The following DGCR2 variants were observed in gnomAD, a reference collection of about 807,000 sequenced individuals.
DGCR2 encodes the protein DiGeorge syndrome critical region gene 2, also known as integral membrane protein DGCR2/IDD.
DGCR2 carries 24 observed loss-of-function variants against 51.6 expected under a neutral mutation model. The observed-to-expected ratio is 0.47, with a 90% CI of 0.34 to 0.65. The LOEUF is 0.65. Among genes scored for constraint, DGCR2 ranks in the 30% least tolerant of loss-of-function variants. The probability of loss-of-function intolerance (pLI) is 0.01; values close to 1 mark genes in which losing one functional copy is unlikely to be tolerated. For synonymous variants in DGCR2, 340 were observed against 315.4 expected, an observed-to-expected ratio of 1.08 and a Z score of -0.82; for missense variants, 765 against 772.1, an observed-to-expected ratio of 0.99 and a Z score of 0.11.
intron 2 of DGCR2, among the ~76,000 whole-genome samples, chr22:19,087,002 T>A (rs2083024326): frequency 6.6e-6 from 1 of 152,136 alleles, no homozygotes. Context: ...GAACAACAAA[T>A]AAACTCTGCT....
At chr22:19,064,712 C>A in intron 4 of DGCR2, 136 bp downstream of exon 4, 1 of 779,874 alleles carries the variant, frequency 1.3e-6, no homozygotes, top group East Asian at 2.6e-5. Flanking sequence ...CCTGGGCTTC[C>A]AGTGGGCGAG....
chr22:19,100,185 G>A (rs747624851), intron 1 of DGCR2, among the ~76,000 whole-genome samples: 4 of 150,086 alleles, frequency 2.7e-5, no homozygotes, highest in Non-Finnish European at 5.9e-5. Flanking sequence ...CACAAGAATC[G>A]CTTGAACCGG....
intron 2 of DGCR2, among the ~76,000 whole-genome samples, chr22:19,075,505 C>T (rs983770925): frequency 2.0e-5 from 3 of 152,050 alleles, no homozygotes; most frequent in African/African-American, 7.2e-5. Context: ...ACATTAGTTC[C>T]ATAACAACCA....
intron 5 of DGCR2, among the ~76,000 whole-genome samples, chr22:19,059,041 G>A (rs1386787353): frequency 6.6e-6 from 1 of 152,252 alleles, no homozygotes; most frequent in Non-Finnish European, 1.5e-5. Context: ...CGTCTTTGGA[G>A]CATCCCTGGA....
rs2859749 is a variant in DGCR2, at chr22:19,102,237, G to A, written c.80-12747C>T. The stretch of plus-strand genomic sequence containing the variant: ...TACAGTAGTCAATTTAATAAGGATG[G>A]AAAGTAGAATGGTGGTTGCCAAGGA... On this transcript the variant is annotated intron_variant, in intron 1 of 9. Transcript: ENST00000263196. Among the ~76,000 whole-genome samples, 19 of 152,294 alleles carry A rather than the reference G, an allele frequency of 1.2e-4. 1 individual carries two copies. Among genetic ancestry groups the A allele is most frequent in the Admixed American group, 1.2e-3 (18 of 15,298 alleles).
intron 2 of DGCR2, among the ~76,000 whole-genome samples, chr22:19,084,066 G>A (rs1041183588): frequency 1.4e-4 from 21 of 152,010 alleles, no homozygotes; most frequent in African/African-American, 4.6e-4. Context: ...ATCTCGGCTC[G>A]CTACAACCTC....
chr22:19,115,703 G>A (rs912780143), intron 1 of DGCR2, among the ~76,000 whole-genome samples: 2 of 152,244 alleles, frequency 1.3e-5, no homozygotes, highest in African/African-American at 4.8e-5. Context: ...AAACGTGTAT[G>A]AACAATCCCA....
intron 1 of DGCR2, among the ~76,000 whole-genome samples, chr22:19,099,970 TAA>T (rs66745825): frequency 7.1e-6 from 1 of 140,842 alleles, no homozygotes. Context: ...ATTCTGTCTT[TAA>T]AAAAAAAAAA....
At chr22:19,052,406 ACT>A (rs942681905) in intron 6 of DGCR2, among the ~76,000 whole-genome samples, 9 of 139,052 alleles carry the variant, frequency 6.5e-5, no homozygotes, top group African/African-American at 2.2e-4. Flanking sequence ...ACAGAGAAAG[ACT>A]CTGTCTCACA....
chr22:19,041,173 G>A lies in DGCR2; in HGVS notation c.1281C>T (p.His427=), dbSNP rs61736259. ...DDGEGGTFHF[H]DPPPPYTAYK... Reference sequence around the variant, plus strand: ...ATGCCGTGTAGGGAGGTGGAGGGTCGTGGAAATGGAAAGTCCCACCCTCTC... The same window carrying A: ...ATGCCGTGTAGGGAGGTGGAGGGTCATGGAAATGGAAAGTCCCACCCTCTC... Residue 427 remains histidine, a synonymous_variant, in exon 9 of 10, where the codon CAC becomes CAT. Coordinates refer to ENST00000263196, the MANE Select transcript of DGCR2 (RefSeq NM_005137.3). 3.9e-5 allele frequency: 63 copies of A among 1,613,996 alleles called. No homozygotes were observed. The Middle Eastern group carries it at 4.9e-4, about 13-fold the overall frequency.
intron 2 of DGCR2, among the ~76,000 whole-genome samples, chr22:19,074,350 T>C (rs1368077093): frequency 2.7e-5 from 4 of 147,388 alleles, no homozygotes; most frequent in Non-Finnish European, 5.9e-5. Flanking sequence ...CGATTGAGCC[T>C]AGGAGGTTGC....
intron 3 of DGCR2, 82 bp from the exon 4 acceptor site, chr22:19,065,149 C>G (rs2082734337): frequency 2.5e-6 from 3 of 1,219,360 alleles, no homozygotes; most frequent in Admixed American, 2.0e-5. Flanking sequence ...CAGGGACAGG[C>G]ACACCTTGTA....
intron 8 of DGCR2, 200 bp from the exon 9 acceptor site, chr22:19,041,494 C>T (rs1440734138): frequency 2.6e-5 from 16 of 608,980 alleles, no homozygotes; most frequent in Non-Finnish European, 1.4e-5. Context: ...CCTCACCACA[C>T]CAACCTGTCC....
chr22:19,076,724 ATTTTTTTTTTTT>A (rs1165827499), intron 2 of DGCR2, among the ~76,000 whole-genome samples: 1 of 79,936 alleles, frequency 1.3e-5, no homozygotes, highest in East Asian at 3.9e-4. Context: ...TCCTTTGCAC[ATTTTTTTTTTTT>A]TTTTTTTTTT....
intron 1 of DGCR2, among the ~76,000 whole-genome samples, chr22:19,119,988 G>GT (rs2083414522): frequency 6.6e-6 from 1 of 152,088 alleles, no homozygotes; most frequent in South Asian, 2.1e-4. Flanking sequence ...CGCAGACTAA[G>GT]ACCAGAGAAG....
chr22:19,095,578 G>A (rs543179958), intron 1 of DGCR2, among the ~76,000 whole-genome samples: 211 of 150,268 alleles, frequency 1.4e-3, no homozygotes, highest in African/African-American at 4.8e-3. Flanking sequence ...GAAGAATGGC[G>A]TGAACCCAGG....
In DGCR2 at chr22:19,038,727, A is replaced by T. The variant is rs1160771364; in HGVS notation, c.*138T>A. On this transcript the variant is annotated 3_prime_UTR_variant, in exon 10 of 10. Coordinates refer to ENST00000263196, the MANE Select transcript of DGCR2 (RefSeq NM_005137.3). ...AGAAGGCGGGCTGTGGTCTCTATGT[A>T]CACACGCGAGCCCGCCAGTGACGTG... The T allele has an allele frequency of 1.7e-6, 2 of 1,209,116 alleles. No individual in the cohort carries two copies. Among genetic ancestry groups the T allele is most frequent in the Non-Finnish European group, 2.3e-6 (2 of 861,840 alleles). The allele number at this position is 1,209,116 out of a possible 1,614,324, so 74.9% of individuals were successfully genotyped here.
chr22:19,111,348 G>C (rs2083312393), intron 1 of DGCR2, among the ~76,000 whole-genome samples: 1 of 152,214 alleles, frequency 6.6e-6, no homozygotes, highest in Non-Finnish European at 1.5e-5. Flanking sequence ...CGGTTCTTAG[G>C]CAGGAGGCCC....
intron 2 of DGCR2, among the ~76,000 whole-genome samples, chr22:19,078,239 T>TA (rs2082900725): frequency 6.6e-6 from 1 of 152,224 alleles, no homozygotes; most frequent in South Asian, 2.1e-4. Context: ...ATAGTTTGAC[T>TA]AAAAAATTTT....
Sources: allele counts gnomAD v4.1 joint callset (sites outside exome capture counted in the v4.1 genomes callset), GRCh38; gene constraint gnomAD v4.1.1; transcripts MANE v1.5; gene names NCBI Gene and HGNC (gene_info 2026-07-23, HGNC 2026-07-21).